The following PSMD14 variants were observed in gnomAD, a reference collection of about 807,000 sequenced individuals.
The protein encoded by PSMD14 is ubiquitin C-terminal hydrolase PSMD14.
A neutral mutation model predicts 41.2 loss-of-function variants in PSMD14; 7 were observed. The ratio of observed to expected loss-of-function variants is 0.17; its 90% CI spans 0.10 to 0.32. PSMD14 has a LOEUF of 0.32. Ranked by LOEUF, PSMD14 falls within the 10% of genes least tolerant of loss-of-function variation. PSMD14 has a pLI of 1.00. For synonymous variants in PSMD14, 114 were observed against 122.3 expected (o/e 0.93, Z 0.45); for missense variants, 139 against 375.6 (o/e 0.37, Z 5.21).
Position 161,313,918 on chromosome 2 carries a change from T to G in PSMD14, c.-137-2519T>G, listed in dbSNP as rs542436288. The stretch of plus-strand genomic sequence containing the variant: ...TCACATAAAATTTACTATTCTAACT[T>G]TCTGGTGTACAGTTTAGTGGCATTA... On this transcript the variant is annotated intron_variant, in intron 1 of 11. Transcript: ENST00000409682. 1.1e-3 allele frequency among the ~76,000 whole-genome samples: 160 copies of G among 152,338 alleles called. 1 individual carries two copies. The highest frequency in any genetic ancestry group is 3.8e-3 in the African/African-American group (157 of 41,580).
At position 161,326,156 on chromosome 2, in the gene PSMD14, G is replaced by C. The variant is rs114817319; in HGVS notation, c.48+7283G>C. On this transcript the variant is annotated intron_variant, in intron 3 of 11. Transcript: ENST00000409682. ...GGACTCAAGAGATTCTTCTGCCTCA[G>C]CCTCCTGAGTATCACAGGTGCCCAC... 8.2e-3 allele frequency among the ~76,000 whole-genome samples: 1,241 copies of C among 152,196 alleles called. 19 individuals are homozygous for C. The highest frequency in any genetic ancestry group is 0.028 in the African/African-American group (1,150 of 41,494).
At chr2:161,364,109 A>G (rs1257389904) in intron 3 of PSMD14, among the ~76,000 whole-genome samples, 1 of 152,110 alleles carries the variant, frequency 6.6e-6, no homozygotes, top group African/African-American at 2.4e-5. Context: ...ATGGTTTTCC[A>G]CTGGAGTCAG....
chr2:161,343,821 C>G (rs932452420), intron 3 of PSMD14, among the ~76,000 whole-genome samples: 2 of 46,200 alleles, frequency 4.3e-5, no homozygotes, highest in South Asian at 7.8e-4. Flanking sequence ...GAGTGATACT[C>G]TGTCTCAAAA....
In PSMD14 at chr2:161,330,297, A is replaced by C. The variant is rs559306488; in HGVS notation, c.48+11424A>C. Among the ~76,000 whole-genome samples, 12 of 152,332 alleles carry C rather than the reference A, an allele frequency of 7.9e-5. 1 individual carries two copies. The South Asian group carries it at 2.5e-3, about 32-fold the overall frequency. On this transcript the variant is annotated intron_variant, in intron 3 of 11. Transcript: ENST00000409682. Reference sequence around the variant, plus strand: ...ACATCTGATACCATTTTTGGTAGAAAGTATATGGGAAAGAAGACAGAAGAA... The same window carrying C: ...ACATCTGATACCATTTTTGGTAGAACGTATATGGGAAAGAAGACAGAAGAA...
intron 3 of PSMD14, among the ~76,000 whole-genome samples, chr2:161,343,785 G>A (rs1252617113): frequency 2.6e-5 from 4 of 151,676 alleles, no homozygotes; most frequent in South Asian, 4.2e-4. Flanking sequence ...CCAAGACTGC[G>A]CCACTGCACT....
chr2:161,339,961 A>G (rs1409921868), intron 3 of PSMD14, among the ~76,000 whole-genome samples: 10 of 152,406 alleles, frequency 6.6e-5, no homozygotes, highest in African/African-American at 1.2e-4. Context: ...TGAGTTTGGT[A>G]TAGTATAAAT....
chr2:161,323,631 C>G (rs899031289), intron 3 of PSMD14, among the ~76,000 whole-genome samples: 1 of 151,806 alleles, frequency 6.6e-6, no homozygotes, highest in Non-Finnish European at 1.5e-5. Context: ...CCACTGCACT[C>G]CAGCCTGGGT....
chr2:161,346,173 G>A (rs755596517), intron 3 of PSMD14, among the ~76,000 whole-genome samples: 5 of 152,156 alleles, frequency 3.3e-5, no homozygotes, highest in South Asian at 2.1e-4. Flanking sequence ...GTGAGCCACC[G>A]TGCTCGGCCA....
chr2:161,327,063 T>C (rs1032104635), intron 3 of PSMD14, among the ~76,000 whole-genome samples: 4 of 152,138 alleles, frequency 2.6e-5, no homozygotes, highest in African/African-American at 9.7e-5. Flanking sequence ...TGACATATGC[T>C]ACAACATGAG....
rs372663547 is a variant in PSMD14 at position 161,376,458 on chromosome 2, T to C, written c.462+5136T>C. Reference sequence around the variant, plus strand: ...ATATTAAAAAAATAGAATGTGAATGTTTCTGCAAGTTTTGATAAGAACAAG... The same window carrying C: ...ATATTAAAAAAATAGAATGTGAATGCTTCTGCAAGTTTTGATAAGAACAAG... On this transcript the variant is annotated intron_variant, in intron 7 of 11. Transcript: ENST00000409682. Among the ~76,000 whole-genome samples the C allele has an allele frequency of 9.2e-5, 14 of 151,996 alleles. No homozygotes were observed. In the East Asian group the frequency reaches 1.9e-3, roughly 21 times the overall value.
intron 3 of PSMD14, among the ~76,000 whole-genome samples, chr2:161,326,315 G>A (rs1222076042): frequency 6.6e-6 from 1 of 152,130 alleles, no homozygotes; most frequent in East Asian, 1.9e-4. Flanking sequence ...ATAGGCAAGA[G>A]CCACCATGCC....
At chr2:161,366,972 G>A (rs1683367923) in intron 3 of PSMD14, among the ~76,000 whole-genome samples, 1 of 152,204 alleles carries the variant, frequency 6.6e-6, no homozygotes, top group Non-Finnish European at 1.5e-5. Context: ...GAGGGGAACA[G>A]CTTCATTAGG....
At chr2:161,374,920 A>G (rs533409808) in intron 7 of PSMD14, among the ~76,000 whole-genome samples, 1 of 152,070 alleles carries the variant, frequency 6.6e-6, no homozygotes, top group Non-Finnish European at 1.5e-5. Context: ...TCCTGTTAGT[A>G]AAATGCTCAG....
chr2:161,360,190 T>TA (rs1424091760), intron 3 of PSMD14, among the ~76,000 whole-genome samples: 1 of 85,000 alleles, frequency 1.2e-5, no homozygotes, highest in Non-Finnish European at 2.7e-5. Flanking sequence ...TATATGCATG[T>TA]ATTTTTTTTT....
chr2:161,316,045 T>C (rs996035579), intron 1 of PSMD14, among the ~76,000 whole-genome samples: 4 of 152,162 alleles, frequency 2.6e-5, no homozygotes, highest in Non-Finnish European at 5.9e-5. Flanking sequence ...TGTTTCACCA[T>C]GTTAGCCAGG....
Position 161,367,778 on chromosome 2 carries a change from C to T in PSMD14, c.121-6C>T, listed in dbSNP as rs148856062. 1 of 1,612,742 alleles carries T rather than the reference C, an allele frequency of 6.2e-7. No individual in the cohort carries two copies. Among genetic ancestry groups the T allele is most frequent in the African/African-American group, 1.3e-5 (1 of 74,890 alleles). ...GCTTTGTGTCCACATCTCTTCCTTTCTACAGATGTTAAAACATGGCCGTGC... is the reference window on the plus strand; with the variant it reads ...GCTTTGTGTCCACATCTCTTCCTTTTTACAGATGTTAAAACATGGCCGTGC... On this transcript the variant is annotated splice_polypyrimidine_tract_variant and splice_region_variant and intron_variant, in intron 4 of 11. Coordinates refer to ENST00000409682, the MANE Select transcript of PSMD14 (RefSeq NM_005805.6).
intron 7 of PSMD14, chr2:161,382,262 A>G (rs1053641715): frequency 2.0e-5 from 3 of 151,854 alleles, no homozygotes; most frequent in Non-Finnish European, 2.9e-5. Flanking sequence ...ACATGTAAAT[A>G]GCATCATCAA....
intron 5 of PSMD14, 23 bp downstream of exon 5, chr2:161,367,926 G>T: frequency 6.2e-7 from 1 of 1,600,908 alleles, no homozygotes; most frequent in Non-Finnish European, 8.5e-7. Context: ...ATGGTTGCCT[G>T]CTGCAAGTAA....
chr2:161,371,978 T>G (rs1303606774), intron 7 of PSMD14, among the ~76,000 whole-genome samples: 1 of 151,906 alleles, frequency 6.6e-6, no homozygotes, highest in African/African-American at 2.4e-5. Flanking sequence ...TTTTTTTTTT[T>G]TATTTCTTTC....
Sources: gnomAD v4.1 joint callset for allele counts (sites outside exome capture counted in the v4.1 genomes callset) on GRCh38, gnomAD v4.1.1 for gene constraint, MANE v1.5 for transcripts, NCBI Gene and HGNC (gene_info 2026-07-23, HGNC 2026-07-21) for gene names.